NFAT5: variants seen among roughly 807,000 people sequenced by gnomAD.
The protein encoded by NFAT5 is nuclear factor of activated T cells 5.
NFAT5 carries 31 observed loss-of-function variants against 166.5 expected under a neutral mutation model. That is an observed-to-expected ratio of 0.19 (90% CI 0.14 to 0.25). The LOEUF is 0.25. NFAT5 is among the 10% of genes least tolerant of loss of function. The pLI is 1.00. For synonymous variants in NFAT5, 612 were observed against 639.7 expected (o/e 0.96, Z 0.65); for missense variants, 1,449 against 1,821.8 (o/e 0.80, Z 3.72).
Position 69,690,922 on chromosome 16 carries a change from G to C in NFAT5, c.1775-18G>C, listed in dbSNP as rs377188619. 39 of 1,443,938 alleles carry C rather than the reference G, an allele frequency of 2.7e-5. No individual in the cohort carries two copies. The highest frequency in any genetic ancestry group is 1.0e-4 in the Admixed American group (4 of 39,344). 89.4% of individuals were successfully genotyped at this position (1,443,938 alleles called of 1,614,324 possible). A position where few individuals can be genotyped will look rare whatever the true frequency, so the allele number is the denominator to read the frequency against. On this transcript the variant is annotated intron_variant, in intron 11 of 14. Transcript: ENST00000349945. Reference sequence around the variant, plus strand: ...TTTGTGATTTTAAACTTTTCTTTTTGTGTGTGTGTATATGCAGCAATGAAA... The same window carrying C: ...TTTGTGATTTTAAACTTTTCTTTTTCTGTGTGTGTATATGCAGCAATGAAA...
At chr16:69,679,840 C>A (rs888425114) in intron 10 of NFAT5, among the ~76,000 whole-genome samples, 13 of 152,140 alleles carry the variant, frequency 8.5e-5, no homozygotes, top group Non-Finnish European at 1.8e-4. Context: ...GTTGGCTGGG[C>A]ATGGTGGCTC....
chr16:69,624,313 C>G (rs1189839515), intron 2 of NFAT5, among the ~76,000 whole-genome samples: 1 of 152,046 alleles, frequency 6.6e-6, no homozygotes, highest in African/African-American at 2.4e-5. Context: ...TGAAGTGATT[C>G]TCCTGCCTCG....
At chr16:69,583,281 T>C (rs1307438815) in intron 2 of NFAT5, among the ~76,000 whole-genome samples, 1 of 151,888 alleles carries the variant, frequency 6.6e-6, no homozygotes, top group Non-Finnish European at 1.5e-5. Context: ...ATCACTGTAG[T>C]CTTGAACTCC....
rs2032931537 is a variant in NFAT5, at chr16:69,598,399, A to AAG, written c.128-28003_128-28002insGA. Among the ~76,000 whole-genome samples, 19 of 150,230 alleles carry AAG rather than the reference A, an allele frequency of 1.3e-4. No homozygotes were observed. In the South Asian group the frequency reaches 4.0e-3, roughly 31 times the overall value. On this transcript the variant is annotated intron_variant, in intron 2 of 14. Transcript: ENST00000349945. The stretch of plus-strand genomic sequence containing the variant: ...TCTCTTTAAAAAAAAAAAAAAAAAA[A>AAG]AAAGATATTTGGGAAAGTGGCCATT...
At chr16:69,656,078 A>G (rs951453805) in intron 6 of NFAT5, among the ~76,000 whole-genome samples, 1 of 151,988 alleles carries the variant, frequency 6.6e-6, no homozygotes, top group African/African-American at 2.4e-5. Context: ...GTCAGGAGTT[A>G]GAGACCAGCC....
intron 11 of NFAT5, among the ~76,000 whole-genome samples, chr16:69,689,349 A>G (rs945524582): frequency 2.6e-5 from 4 of 152,222 alleles, no homozygotes; most frequent in Non-Finnish European, 4.4e-5. Context: ...AAATAGGTCC[A>G]AAGAACTCAT....
At chr16:69,613,950 T>C (rs1034106440) in intron 2 of NFAT5, among the ~76,000 whole-genome samples, 1 of 152,234 alleles carries the variant, frequency 6.6e-6, no homozygotes, top group African/African-American at 2.4e-5. Flanking sequence ...ACTTAGCCCC[T>C]GTGACTGTGG....
At position 69,692,348 on chromosome 16, in the gene NFAT5, A is replaced by G; in HGVS notation, c.2523A>G (p.Gln841=). 1 of 1,614,220 alleles carries G rather than the reference A, an allele frequency of 6.2e-7. No individual in the cohort carries two copies. Among genetic ancestry groups the G allele is most frequent in the South Asian group, 1.1e-5 (1 of 91,082 alleles). Reference sequence around the variant, plus strand: ...CTCCAGATGGTAATGAGAATGTTCAAGAGCAGCTTAGTGCAGATATTTTTC... The same window carrying G: ...CTCCAGATGGTAATGAGAATGTTCAGGAGCAGCTTAGTGCAGATATTTTTC... The part of the protein sequence containing the change: ...FSAPDGNENV[Q]EQLSADIFQQ... The change falls in exon 13 of 15, where the codon CAA becomes CAG. Residue 841 remains glutamine (Q), a synonymous_variant. Coordinates refer to ENST00000349945, the MANE Select transcript of NFAT5 (RefSeq NM_138713.4).
chr16:69,581,018 G>A (rs987448432), intron 2 of NFAT5, among the ~76,000 whole-genome samples: 1 of 152,072 alleles, frequency 6.6e-6, no homozygotes, highest in Non-Finnish European at 1.5e-5. Flanking sequence ...GAAAAAATTC[G>A]GTTAACAAAG....
rs1430539452 is a variant in NFAT5 at position 69,573,304 on chromosome 16, G to C, written c.127+4756G>C. Among the ~76,000 whole-genome samples, 4 of 152,124 alleles carry C rather than the reference G, an allele frequency of 2.6e-5. No homozygotes were observed. In the East Asian group the frequency reaches 7.7e-4, roughly 29 times the overall value. On this transcript the variant is annotated intron_variant, in intron 2 of 14. Transcript: ENST00000349945. The stretch of plus-strand genomic sequence containing the variant: ...AATTATACTTCATAGTGCAAAAATG[G>C]AAAATCCTAAACATAGTAGCAATGT...
At chr16:69,662,848 T>C (rs953748691) in intron 7 of NFAT5, among the ~76,000 whole-genome samples, 4 of 152,078 alleles carry the variant, frequency 2.6e-5, no homozygotes, top group Non-Finnish European at 5.9e-5. Context: ...ATGCTTGAAC[T>C]TGCGACTTTG....
intron 2 of NFAT5, among the ~76,000 whole-genome samples, chr16:69,608,725 C>T (rs1040452755): frequency 4.0e-5 from 6 of 151,814 alleles, no homozygotes; most frequent in Non-Finnish European, 5.9e-5. Context: ...CGCCATTCTC[C>T]TGCCTCAGCC....
intron 2 of NFAT5, among the ~76,000 whole-genome samples, chr16:69,601,774 A>G (rs142028360): frequency 1.0e-3 from 156 of 152,320 alleles, no homozygotes; most frequent in African/African-American, 3.6e-3. Context: ...TGTAATGAAC[A>G]TAGTACAAAT....
At chr16:69,652,031 G>C (rs138518174) in intron 4 of NFAT5, among the ~76,000 whole-genome samples, 1 of 152,220 alleles carries the variant, frequency 6.6e-6, no homozygotes, top group East Asian at 1.9e-4. Context: ...TATTTGCAGT[G>C]CTTCAACTAT....
intron 2 of NFAT5, among the ~76,000 whole-genome samples, chr16:69,610,672 A>T (rs922356852): frequency 5.9e-5 from 9 of 152,220 alleles, no homozygotes; most frequent in African/African-American, 2.2e-4. Flanking sequence ...TTGTAACCTA[A>T]TTGGAACATA....
intron 2 of NFAT5, among the ~76,000 whole-genome samples, chr16:69,601,152 G>A (rs1402610863): frequency 1.3e-5 from 2 of 151,668 alleles, no homozygotes; most frequent in African/African-American, 2.4e-5. Context: ...TATGGAAAAC[G>A]ACAAAACAAG....
chr16:69,697,519 G>A lies in NFAT5; in HGVS notation c.*1168G>A, dbSNP rs1486924120. The A allele has an allele frequency of 6.6e-6, 1 of 152,560 alleles. No individual in the cohort carries two copies. The highest frequency in any genetic ancestry group is 2.4e-5 in the African/African-American group (1 of 41,418). 9.5% of individuals were successfully genotyped at this position (152,560 alleles called of 1,614,324 possible). A position where few individuals can be genotyped will look rare whatever the true frequency, so the allele number is the denominator to read the frequency against. On this transcript the variant is annotated 3_prime_UTR_variant, in exon 15 of 15. Transcript: ENST00000349945. Reference sequence around the variant, plus strand: ...ATCACTTCTCCCTGATCTGCAGTGAGTATAAATTCACTTGTCACCTCAGTG... The same window carrying A: ...ATCACTTCTCCCTGATCTGCAGTGAATATAAATTCACTTGTCACCTCAGTG...
At position 69,670,124 on chromosome 16, in the gene NFAT5, A is replaced by G; in HGVS notation, c.1504+13A>G. ...GAAAATGTTTCTGGTAAGTACGCAT[A>G]TTTGTGGTACAGATATTTGTATGTT... On this transcript the variant is annotated intron_variant, in intron 8 of 14. Transcript: ENST00000349945. 9 of 1,609,234 alleles carry G rather than the reference A, an allele frequency of 5.6e-6. No homozygotes were observed. The highest frequency in any genetic ancestry group is 1.1e-5 in the South Asian group (1 of 89,950).
intron 3 of NFAT5, among the ~76,000 whole-genome samples, chr16:69,636,120 G>A (rs1453039861): frequency 6.6e-6 from 1 of 152,128 alleles, no homozygotes; most frequent in South Asian, 2.1e-4. Context: ...GGGTTACAGG[G>A]CCCATGCAAG....
Sources: allele counts gnomAD v4.1 joint callset (sites outside exome capture counted in the v4.1 genomes callset), GRCh38; gene constraint gnomAD v4.1.1; transcripts MANE v1.5; gene names NCBI Gene and HGNC (gene_info 2026-07-23, HGNC 2026-07-21).